Variants in SLC35F4 observed in about 807,000 individuals in gnomAD.
SLC35F4 encodes solute carrier family 35 member F4, also known as chromosome 14 open reading frame 36.
In SLC35F4, 24 loss-of-function variants were observed where a neutral mutation model predicts 44.2. That is an observed-to-expected ratio of 0.54 (90% CI 0.39 to 0.76). The LOEUF (loss-of-function observed/expected upper bound fraction) is 0.76, where lower values mean the gene tolerates loss of function less well. Ranked by LOEUF, SLC35F4 falls within the 30% of genes least tolerant of loss-of-function variation. The pLI, the probability that SLC35F4 is intolerant of heterozygous loss-of-function variation, is 0.00. For missense variants in SLC35F4, 562 were observed against 586.1 expected (o/e 0.96, Z 0.42); for synonymous variants, 238 against 223.6 (o/e 1.06, Z -0.57).
At chr14:57,789,675 C>A (rs1200271537) in intron 1 of SLC35F4, among the ~76,000 whole-genome samples, 1 of 152,172 alleles carries the variant, frequency 6.6e-6, no homozygotes. Context: ...ATATCAAAAC[C>A]TGGCAGAGAC....
upstream of SLC35F4, among the ~76,000 whole-genome samples, chr14:57,869,074 GGGT>G (rs1888241173): frequency 2.6e-5 from 4 of 152,048 alleles, no homozygotes; most frequent in Admixed American, 2.6e-4. Flanking sequence ...ATCAAGCAGA[GGGT>G]ATCTATCTGT....
chr14:57,861,547 C>T (rs1887679881), intron 1 of SLC35F4, among the ~76,000 whole-genome samples: 1 of 152,188 alleles, frequency 6.6e-6, no homozygotes, highest in African/African-American at 2.4e-5. Flanking sequence ...GTCATCTATA[C>T]TCACAGTTTC....
At chr14:57,847,924 A>T (rs951143312) in intron 1 of SLC35F4, among the ~76,000 whole-genome samples, 2 of 152,254 alleles carry the variant, frequency 1.3e-5, no homozygotes, top group Non-Finnish European at 2.9e-5. Context: ...TTGAATACAA[A>T]CATCTGTATT....
At chr14:57,667,608 G>C (rs1204378796) in intron 1 of SLC35F4, among the ~76,000 whole-genome samples, 1 of 151,240 alleles carries the variant, frequency 6.6e-6, no homozygotes, top group African/African-American at 2.4e-5. Context: ...CCTTGTGATA[G>C]TTTGCTGAGA....
At chr14:57,641,345 C>T (rs2073228615) in intron 1 of SLC35F4, among the ~76,000 whole-genome samples, 1 of 151,938 alleles carries the variant, frequency 6.6e-6, no homozygotes, top group Admixed American at 6.6e-5. Flanking sequence ...AAGACAGCCC[C>T]AGAATAAGAT....
At chr14:57,718,304 A>G (rs1313881779) in intron 1 of SLC35F4, among the ~76,000 whole-genome samples, 2 of 150,628 alleles carry the variant, frequency 1.3e-5, no homozygotes, top group Non-Finnish European at 3.0e-5. Flanking sequence ...TGCAACAAAC[A>G]TGGGAGTGCA....
intron 1 of SLC35F4, among the ~76,000 whole-genome samples, chr14:57,839,753 T>A (rs977567400): frequency 6.0e-5 from 9 of 151,254 alleles, no homozygotes; most frequent in Non-Finnish European, 1.2e-4. Context: ...CCCTGAACTT[T>A]AAAAAAAAAG....
intron 1 of SLC35F4, among the ~76,000 whole-genome samples, chr14:57,706,780 G>A (rs1411174953): frequency 6.6e-6 from 1 of 152,146 alleles, no homozygotes; most frequent in Admixed American, 6.5e-5. Flanking sequence ...TGTGGCTATA[G>A]TAGAATGAAT....
intron 1 of SLC35F4, among the ~76,000 whole-genome samples, chr14:57,811,419 A>G (rs1432195953): frequency 1.3e-5 from 2 of 152,204 alleles, no homozygotes; most frequent in Admixed American, 1.3e-4. Flanking sequence ...GAGGCCTAAA[A>G]CAATCAGTGC....
chr14:57,627,362 T>C (rs2072526634), intron 1 of SLC35F4, among the ~76,000 whole-genome samples: 1 of 152,146 alleles, frequency 6.6e-6, no homozygotes, highest in Non-Finnish European at 1.5e-5. Flanking sequence ...AACTTACCAG[T>C]CCCTGTTGCA....
Position 57,820,528 on chromosome 14 carries a change from A to G in SLC35F4, c.103+45195T>C, listed in dbSNP as rs546271746. 3.3e-5 allele frequency among the ~76,000 whole-genome samples: 5 copies of G among 152,342 alleles called. No individual in the cohort carries two copies. The East Asian group carries it at 7.7e-4, about 23-fold the overall frequency. On this transcript the variant is annotated intron_variant, in intron 1 of 7. Coordinates refer to ENST00000556826, the MANE Select transcript of SLC35F4 (RefSeq NM_001306087.2). Reference sequence around the variant, plus strand: ...TGATCAGAGGTAACTCAAAAGCTATATATGTCTCAGTAATTAATGTTTTCT... The same window carrying G: ...TGATCAGAGGTAACTCAAAAGCTATGTATGTCTCAGTAATTAATGTTTTCT...
chr14:57,578,044 G>C (rs2068923133), intron 4 of SLC35F4, among the ~76,000 whole-genome samples: 1 of 151,982 alleles, frequency 6.6e-6, no homozygotes, highest in South Asian at 2.1e-4. Context: ...ATTTTTATGT[G>C]AGCATTAGTA....
At chr14:57,620,344 G>A (rs564923668) in intron 1 of SLC35F4, among the ~76,000 whole-genome samples, 10 of 152,216 alleles carry the variant, frequency 6.6e-5, no homozygotes, top group South Asian at 4.1e-4. Flanking sequence ...TGAATCTCTC[G>A]GCAGAAACAC....
chr14:57,733,279 T>A (rs941114987), intron 1 of SLC35F4, among the ~76,000 whole-genome samples: 1 of 143,910 alleles, frequency 6.9e-6, no homozygotes, highest in African/African-American at 2.9e-5. Context: ...ACTATGGATT[T>A]TTTCCTTTTA....
rs201058689 is a variant in SLC35F4 at position 57,927,496 on chromosome 14, C to CTT, written n.282+54415_282+54416dup. On this transcript the variant is annotated intron_variant and non_coding_transcript_variant, in intron 1 of 1. Transcript: ENST00000556568. The stretch of plus-strand genomic sequence containing the variant: ...TTTTTTTTTAATTACTTTTCTTCTT[C>CTT]TTTTTTTTTTTTGAGACAGAGTCTC... 7.8e-5 allele frequency among the ~76,000 whole-genome samples: 11 copies of CTT among 141,048 alleles called. 1 individual carries two copies. In the East Asian group the frequency reaches 1.5e-3, roughly 19 times the overall value. The allele number at this position is 141,048 out of a possible 152,430, so 92.5% of individuals were successfully genotyped here.
chr14:57,812,892 C>T (rs1044357250), intron 1 of SLC35F4, among the ~76,000 whole-genome samples: 4 of 152,154 alleles, frequency 2.6e-5, no homozygotes, highest in African/African-American at 7.2e-5. Flanking sequence ...GACCACAGGC[C>T]GTGACCTTCC....
intron 1 of SLC35F4, among the ~76,000 whole-genome samples, chr14:57,750,876 T>C (rs914804686): frequency 2.0e-5 from 3 of 152,220 alleles, no homozygotes; most frequent in Admixed American, 6.5e-5. Context: ...GGTTAACTTA[T>C]AGGCAGTCAC....
At chr14:57,796,345 G>A (rs936010041) in intron 1 of SLC35F4, among the ~76,000 whole-genome samples, 5 of 152,038 alleles carry the variant, frequency 3.3e-5, no homozygotes, top group African/African-American at 1.2e-4. Context: ...TTTTATATCT[G>A]AAACATAATC....
At chr14:57,936,923 C>G (rs1889807401) in intron 1 of SLC35F4, among the ~76,000 whole-genome samples, 1 of 152,098 alleles carries the variant, frequency 6.6e-6, no homozygotes, top group East Asian at 1.9e-4. Context: ...GCCAGCTTAT[C>G]CAAAAGGAGA....
Sources: gnomAD v4.1 joint callset for allele counts (sites outside exome capture counted in the v4.1 genomes callset) on GRCh38, gnomAD v4.1.1 for gene constraint, MANE v1.5 for transcripts, NCBI Gene and HGNC (gene_info 2026-07-23, HGNC 2026-07-21) for gene names.